LILRB5: variants seen among roughly 807,000 people sequenced by gnomAD.
LILRB5 encodes the protein leukocyte immunoglobulin like receptor B5.
A neutral mutation model predicts 68.4 loss-of-function variants in LILRB5; 61 were observed. That is an observed-to-expected ratio of 0.89 (90% confidence interval 0.73 to 1.10). LILRB5 has a LOEUF of 1.10. Ranked by LOEUF, LILRB5 falls within the 50% of genes least tolerant of loss-of-function variation. LILRB5 has a pLI of 0.00. For synonymous variants in LILRB5, 356 were observed against 315.8 expected (o/e 1.13, Z -1.35); for missense variants, 771 against 751.6 (o/e 1.03, Z -0.30).
Position 54,255,484 on chromosome 19 carries a change from T to G in LILRB5, c.754A>C (p.Ile252Leu), listed in dbSNP as rs751417165. Reference protein sequence around the residue: ...LQCRSDVGYDIFVLYKEGEHD... With the variant: ...LQCRSDVGYDLFVLYKEGEHD... ...TCCCCCTCCTTGTACAGAACGAATA[T>G]GTCATAGCCGACATCAGAGCGACAC... The change falls in exon 5 of 13, where the codon ATA becomes CTA. Residue 252 changes from isoleucine (I) to leucine (L), a missense_variant. Coordinates refer to ENST00000449561, the MANE Select transcript of LILRB5 (RefSeq NM_001081442.3). The G allele has an allele frequency of 6.2e-7, 1 of 1,613,834 alleles. No individual in the cohort carries two copies. The highest frequency in any genetic ancestry group is 8.5e-7 in the Non-Finnish European group (1 of 1,179,954).
intron 5 of LILRB5, 32 bp downstream of exon 5, chr19:54,255,254 G>C: frequency 6.2e-7 from 1 of 1,607,480 alleles, no homozygotes; most frequent in Non-Finnish European, 8.5e-7. Context: ...TGCAGAGCCT[G>C]GGTCCCTGAC....
Position 54,257,161 on chromosome 19 carries a change from G to A in LILRB5, c.33C>T (p.Leu11=), listed in dbSNP as rs532597420. MTLTLSVLIC[L]GLSVGPRTCV... ...TCCTTCCCCCTCTTCAAACCTCACC[G>A]AGGCAAATCAGGACTGAGAGGGTGA... is the stretch of plus-strand genomic sequence containing the variant. The change falls in exon 1 of 13, where the codon CTC becomes CTT. Residue 11 remains leucine (L), a splice_region_variant and synonymous_variant. Coordinates refer to ENST00000449561, the MANE Select transcript of LILRB5 (RefSeq NM_001081442.3). The A allele has an allele frequency of 4.9e-5, 79 of 1,614,188 alleles. No homozygotes were observed. The highest frequency in any genetic ancestry group is 6.6e-5 in the South Asian group (6 of 91,086).
At position 54,256,092 on chromosome 19, in the gene LILRB5, G is replaced by T; in HGVS notation, c.606C>A (p.Asn202Lys). ...RFRCYYYYRK[N>K]PQVWSNPSDL... ...CACTGGGGTTCGACCACACCTGAGG[G>T]TTTTTCCTGTAATAGTAATAGCATC... The change falls in exon 4 of 13, where the codon AAC becomes AAA. Residue 202 changes from asparagine (N) to lysine (K), a missense_variant. Coordinates refer to ENST00000449561, the MANE Select transcript of LILRB5 (RefSeq NM_001081442.3). The T allele has an allele frequency of 1.3e-6, 2 of 1,587,512 alleles. No individual in the cohort carries two copies. Among genetic ancestry groups the T allele is most frequent in the Non-Finnish European group, 1.7e-6 (2 of 1,167,952 alleles).
chr19:54,251,073 A>G, intron 12 of LILRB5, 141 bp from the exon 13 acceptor site: 1 of 1,523,118 alleles, frequency 6.6e-7, no homozygotes, highest in Non-Finnish European at 9.1e-7. Context: ...AATTCCCCAG[A>G]CAGTGGGGAA....
intron 12 of LILRB5, 134 bp downstream of exon 12, chr19:54,251,920 G>A (rs2147609989): frequency 1.0e-6 from 1 of 968,128 alleles, no homozygotes; most frequent in Admixed American, 1.7e-5. Flanking sequence ...CAGCAGGCGG[G>A]AGGCAGCGTG....
Position 54,256,147 on chromosome 19 carries a change from G to C in LILRB5, c.551C>G (p.Pro184Arg). The C allele has an allele frequency of 1.9e-6, 3 of 1,611,334 alleles. No individual in the cohort carries two copies. The highest frequency in any genetic ancestry group is 2.5e-6 in the Non-Finnish European group (3 of 1,178,908). Residue 184 changes from proline to arginine, a missense_variant, in exon 4 of 13, where the codon CCC (proline) becomes CGC (arginine). Coordinates refer to ENST00000449561, the MANE Select transcript of LILRB5 (RefSeq NM_001081442.3). ...GPSQALFPVG[P>R]VTPSCRWRFR... The stretch of plus-strand genomic sequence containing the variant: ...CCTCCACCTGCAGCTGGGGGTCACG[G>C]GACCCACAGGGAACAGGGCCTGGGA...
In LILRB5 at chr19:54,256,381, C is replaced by A. The variant is rs780082847; in HGVS notation, c.356-39G>T. 3.2e-6 allele frequency: 5 copies of A among 1,586,784 alleles called. No homozygotes were observed. In the Admixed American group the frequency reaches 8.7e-5, roughly 28 times the overall value. ...AGGCACGTCTTAAGTGGGGCTCCGA[C>A]CTCCCACATCATCCCCAGGGCTGGG... On this transcript the variant is annotated intron_variant, in intron 3 of 12. Coordinates refer to ENST00000449561, the MANE Select transcript of LILRB5 (RefSeq NM_001081442.3).
Position 54,255,509 on chromosome 19 carries a change from C to A in LILRB5, c.729G>T (p.Gln243His). ...TGTCATAGCCGACATCAGAGCGACA[C>A]TGCAGGGTCAGGCTGCCTCCGCGGG... ...VVARGGSLTL[Q>H]CRSDVGYDIF... is the part of the protein sequence containing the mutation. The change falls in exon 5 of 13, where the codon CAG (glutamine) becomes CAT (histidine). Residue 243 changes from glutamine (Q) to histidine (H), a missense_variant. Transcript: ENST00000449561. 6.2e-7 allele frequency: 1 copy of A among 1,614,058 alleles called. No homozygotes were observed.
Position 54,252,475 on chromosome 19 carries a change from T to A in LILRB5, c.1538+11A>T, listed in dbSNP as rs191264163. 4.1e-4 allele frequency: 664 copies of A among 1,614,134 alleles called. No homozygotes were observed. The African/African-American group carries it at 8.0e-3, about 20-fold the overall frequency. ...GGTGGATGGGAGTCTTGGGTCTTCA[T>A]GCAGAATTACCTCTTCTGCAGGCCC... On this transcript the variant is annotated intron_variant, in intron 10 of 12. Transcript: ENST00000449561.
chr19:54,251,313 C>G, intron 12 of LILRB5: 5 of 797,064 alleles, frequency 6.3e-6, no homozygotes, highest in Non-Finnish European at 8.0e-6. Flanking sequence ...AGGGTCTGGC[C>G]GCTCCCTCCC....
rs770828075 is a variant in LILRB5, at chr19:54,256,155, A to C, written c.543T>G (p.Pro181=). The C allele has an allele frequency of 6.2e-7, 1 of 1,612,202 alleles. No homozygotes were observed. The highest frequency in any genetic ancestry group is 1.1e-5 in the South Asian group (1 of 90,886). ...LPKGPSQALF[P]VGPVTPSCRW... ...TGCAGCTGGGGGTCACGGGACCCACAGGGAACAGGGCCTGGGATGGCCCTT... is the reference window on the plus strand; with the variant it reads ...TGCAGCTGGGGGTCACGGGACCCACCGGGAACAGGGCCTGGGATGGCCCTT... Residue 181 remains proline (P), a synonymous_variant, in exon 4 of 13, where the codon CCT becomes CCG. Transcript: ENST00000449561.
At position 54,255,475 on chromosome 19, in the gene LILRB5, G is replaced by T. The variant is rs764763556; in HGVS notation, c.763C>A (p.Leu255Met). 4.3e-6 allele frequency: 7 copies of T among 1,614,138 alleles called. No individual in the cohort carries two copies. In the South Asian group the frequency reaches 7.7e-5, roughly 18 times the overall value. Residue 255 changes from leucine to methionine, a missense_variant, in exon 5 of 13, where the codon CTG (leucine) becomes ATG (methionine). Leu to Met is a conservative substitution (Grantham distance 15). Transcript: ENST00000449561. Reference protein sequence around the residue: ...RSDVGYDIFVLYKEGEHDLVQ... With the variant: ...RSDVGYDIFVMYKEGEHDLVQ... ...AGGTCATGTTCCCCCTCCTTGTACA[G>T]AACGAATATGTCATAGCCGACATCA...
Position 54,254,373 on chromosome 19 carries a change from G to T in LILRB5, c.1298C>A (p.Pro433His), listed in dbSNP as rs375671699. 6.3e-7 allele frequency: 1 copy of T among 1,581,600 alleles called. No homozygotes were observed. The highest frequency in any genetic ancestry group is 8.6e-7 in the Non-Finnish European group (1 of 1,163,888). ...DPSLSPTGST[P>H]TPAGPEDQPL... The stretch of plus-strand genomic sequence containing the variant: ...AGGCCTCAGTGACTCACCAGGTGTG[G>T]GGGTGGAGCCTGTAGGTGAGAGGCT... Residue 433 changes from proline (P) to histidine (H), a missense_variant, in exon 7 of 13, where the codon CCC becomes CAC. Transcript: ENST00000449561.
chr19:54,251,158 G>A (rs202197225), intron 12 of LILRB5: 964 of 1,595,736 alleles, frequency 6.0e-4, no homozygotes, highest in Admixed American at 1.4e-3. Context: ...GGTCTTCATC[G>A]TGTGGGCTCT....
chr19:54,256,694 C>G lies in LILRB5; in HGVS notation c.150G>C (p.Gln50His), dbSNP rs1204948072. The change falls in exon 3 of 13, where the codon CAG becomes CAC. Residue 50 changes from glutamine (Q) to histidine (H), a missense_variant. Physicochemically the swap from Gln to His is conservative, Grantham distance 24. Transcript: ENST00000449561. ...ARGKPVTLWC[Q>H]GPLETEEYRL... Reference sequence around the variant, plus strand: ...GGTACTCCTCAGTCTCCAGGGGCCCCTGACACCAGAGGGTCACGGGCTTCC... The same window carrying G: ...GGTACTCCTCAGTCTCCAGGGGCCCGTGACACCAGAGGGTCACGGGCTTCC... The G allele has an allele frequency of 1.9e-6, 3 of 1,614,056 alleles. No homozygotes were observed. The African/African-American group carries it at 4.0e-5, about 22-fold the overall frequency.
Position 54,250,855 on chromosome 19 carries a change from C to T in LILRB5, c.1707G>A (p.Glu569=). 1 of 1,613,666 alleles carries T rather than the reference C, an allele frequency of 6.2e-7. No homozygotes were observed. The highest frequency in any genetic ancestry group is 8.5e-7 in the Non-Finnish European group (1 of 1,179,970). The change falls in exon 13 of 13, where the codon GAG becomes GAA. Residue 569 remains glutamate (E), a synonymous_variant. Coordinates refer to ENST00000449561, the MANE Select transcript of LILRB5 (RefSeq NM_001081442.3). The stretch of plus-strand genomic sequence containing the variant: ...GTTCCCTTTCCTGGGATGGAGGAGG[C>T]TCAGTTGCCTCCCGTCTGAGGGTCA... ...HSLTLRREAT[E]PPPSQEREPP... is the part of the protein sequence containing the mutation.
intron 11 of LILRB5, 28 bp downstream of exon 11, chr19:54,252,338 C>G (rs763330079): frequency 6.2e-7 from 1 of 1,612,978 alleles, no homozygotes; most frequent in Non-Finnish European, 8.5e-7. Flanking sequence ...TTGCCCACCC[C>G]AGGTGCCCTC....
chr19:54,253,708 C>T, intron 8 of LILRB5: 1 of 974,364 alleles, frequency 1.0e-6, no homozygotes. Context: ...AGGAGTCTGA[C>T]CCGCAGCCCT....
intron 8 of LILRB5, 26 bp from the exon 9 acceptor site, chr19:54,253,013 G>A (rs1252381658): frequency 1.4e-6 from 2 of 1,478,518 alleles, no homozygotes; most frequent in Non-Finnish European, 1.8e-6. Context: ...GTTGGGAATG[G>A]GGATGACGTC....
Sources: allele counts gnomAD v4.1 joint callset, GRCh38; gene constraint gnomAD v4.1.1; transcripts MANE v1.5; gene names NCBI Gene and HGNC (gene_info 2026-07-23, HGNC 2026-07-21).